The following CUX1 variants were observed in gnomAD, a reference collection of about 807,000 sequenced individuals.
The protein encoded by CUX1 is cut like homeobox 1, also known as protein CASP.
In CUX1, 31 loss-of-function variants were observed where a neutral mutation model predicts 158.8. The ratio of observed to expected loss-of-function variants is 0.20; its 90% CI spans 0.15 to 0.26. The LOEUF (loss-of-function observed/expected upper bound fraction) is 0.26. Among genes scored for constraint, CUX1 ranks in the 10% least tolerant of loss-of-function variants. The pLI, the probability that CUX1 is intolerant of heterozygous loss-of-function variation, is 1.00. For synonymous variants in CUX1, 879 were observed against 862.1 expected (o/e 1.02, Z -0.34); for missense variants, 1,589 against 2,014.6 (o/e 0.79, Z 4.04).
intron 2 of CUX1, among the ~76,000 whole-genome samples, chr7:101,965,196 G>A (rs1253090795): frequency 1.3e-5 from 2 of 152,124 alleles, no homozygotes; most frequent in East Asian, 1.9e-4. Context: ...CCCTAACACC[G>A]CTTTGCAGTT....
intron 17 of CUX1, among the ~76,000 whole-genome samples, chr7:102,276,052 A>ATTAAATATAATATATGCACAATAATG (rs1791585405): frequency 6.6e-6 from 1 of 151,564 alleles, no homozygotes; most frequent in Non-Finnish European, 1.5e-5. Context: ...GCTGTATAAT[A>ATTAAATATAATATATGCACAATAATG]TTTTATTGTG....
chr7:101,922,837 C>T (rs1161749821), intron 2 of CUX1, among the ~76,000 whole-genome samples: 1 of 152,208 alleles, frequency 6.6e-6, no homozygotes, highest in East Asian at 1.9e-4. Context: ...GCAGCAGGGG[C>T]AGCACCTCTG....
chr7:102,232,301 C>A (rs782179298), intron 21 of CUX1, among the ~76,000 whole-genome samples: 1 of 152,022 alleles, frequency 6.6e-6, no homozygotes, highest in African/African-American at 2.4e-5. Flanking sequence ...GGCAATATAG[C>A]GAGACCCTGT....
chr7:102,022,252 A>T (rs1466951460), intron 2 of CUX1, among the ~76,000 whole-genome samples: 3 of 152,184 alleles, frequency 2.0e-5, no homozygotes, highest in African/African-American at 7.2e-5. Flanking sequence ...TTACCTAGAA[A>T]ATTCCTTAAT....
chr7:102,071,170 G>A (rs1826089449), intron 4 of CUX1, among the ~76,000 whole-genome samples: 1 of 151,822 alleles, frequency 6.6e-6, no homozygotes, highest in East Asian at 1.9e-4. Flanking sequence ...TATTGCCCAG[G>A]CTGGTCTCGA....
At chr7:101,841,140 G>A (rs917558904) in intron 1 of CUX1, among the ~76,000 whole-genome samples, 8 of 152,244 alleles carry the variant, frequency 5.3e-5, no homozygotes, top group African/African-American at 7.2e-5. Context: ...TGATCCGCCC[G>A]CCTCGGCCTC....
At chr7:102,216,953 G>A (rs1797290438) in intron 20 of CUX1, among the ~76,000 whole-genome samples, 1 of 152,038 alleles carries the variant, frequency 6.6e-6, no homozygotes, top group Admixed American at 6.5e-5. Flanking sequence ...TTTAACTAGA[G>A]GCTTTGTTTT....
At position 101,865,945 on chromosome 7, in the gene CUX1, G is replaced by A. The variant is rs543379671; in HGVS notation, c.30+48276G>A. 1.6e-3 allele frequency among the ~76,000 whole-genome samples: 242 copies of A among 152,278 alleles called. 3 individuals are homozygous for A. Among genetic ancestry groups the A allele is most frequent in the African/African-American group, 5.6e-3 (234 of 41,562 alleles). The stretch of plus-strand genomic sequence containing the variant: ...CGTCGACCAAAAGAAGAGAGATTTG[G>A]AATGCTTGTTTTACAGCCTCCGGTC... On this transcript the variant is annotated intron_variant, in intron 1 of 23. Coordinates refer to ENST00000292535, the MANE Select transcript of CUX1 (RefSeq NM_181552.4).
At chr7:102,034,751 C>CAAAAAAAAAAAAAAAAAAAA (rs33994794) in intron 3 of CUX1, among the ~76,000 whole-genome samples, 1 of 117,952 alleles carries the variant, frequency 8.5e-6, no homozygotes, top group African/African-American at 3.4e-5. Context: ...GACTCCGTCT[C>CAAAAAAAAAAAAAAAAAAAA]AAAAAAAAAA....
intron 3 of CUX1, among the ~76,000 whole-genome samples, chr7:102,034,462 A>T (rs1216010801): frequency 6.6e-6 from 1 of 152,120 alleles, no homozygotes; most frequent in African/African-American, 2.4e-5. Flanking sequence ...TCTACTAAAA[A>T]TACAAAAACA....
At position 102,170,498 on chromosome 7, in the gene CUX1, C is replaced by A; in HGVS notation, c.776C>A (p.Ser259Ter). 6.3e-7 allele frequency: 1 copy of A among 1,593,344 alleles called. No homozygotes were observed. The highest frequency in any genetic ancestry group is 8.6e-7 in the Non-Finnish European group (1 of 1,169,572). Residue 259 changes from serine to a stop codon, truncating the protein, a stop_gained, in exon 10 of 24, where the codon TCG (serine) becomes TAG (stop). Transcript: ENST00000292535. LOFTEE classifies it high-confidence loss of function. ...EAETLREQLS[S>*]ANHSLQLASQ... ...GAGACCTTAAGGGAACAGCTCTCAT[C>A]GGCCAATCACTCCCTCCAGCTGGCC...
At chr7:101,988,412 G>A (rs1347960290) in intron 2 of CUX1, among the ~76,000 whole-genome samples, 1 of 152,108 alleles carries the variant, frequency 6.6e-6, no homozygotes, top group Non-Finnish European at 1.5e-5. Flanking sequence ...TAACTCTCCT[G>A]AAAACACTTC....
intron 1 of CUX1, among the ~76,000 whole-genome samples, chr7:101,833,713 C>T (rs1044673402): frequency 4.6e-5 from 7 of 151,954 alleles, no homozygotes; most frequent in African/African-American, 1.7e-4. Context: ...AGGCCAAGTC[C>T]AGGGCTCTGG....
intron 1 of CUX1, among the ~76,000 whole-genome samples, chr7:101,833,203 C>A (rs1378087970): frequency 6.6e-6 from 1 of 150,378 alleles, no homozygotes; most frequent in Admixed American, 6.6e-5. Flanking sequence ...GAGTTCAAGA[C>A]CAGCCTGGGC....
intron 12 of CUX1, among the ~76,000 whole-genome samples, chr7:102,191,792 GCTC>G (rs1215963832): frequency 9.7e-5 from 14 of 144,766 alleles, no homozygotes; most frequent in Non-Finnish European, 1.4e-4. Flanking sequence ...TCTTCCTCTT[GCTC>G]CTCCTCCTCC....
intron 1 of CUX1, among the ~76,000 whole-genome samples, chr7:101,906,937 C>T (rs1802825018): frequency 6.6e-6 from 1 of 152,114 alleles, no homozygotes; most frequent in Admixed American, 6.6e-5. Context: ...GTCAGTCTCA[C>T]TCTGTGGAAA....
intron 3 of CUX1, among the ~76,000 whole-genome samples, chr7:102,029,656 A>C (rs1820475662): frequency 6.6e-6 from 1 of 152,204 alleles, no homozygotes; most frequent in African/African-American, 2.4e-5. Context: ...AGGGCAGAAC[A>C]GTACCCCTCT....
intron 8 of CUX1, among the ~76,000 whole-genome samples, chr7:102,135,766 C>T (rs1833838990): frequency 6.6e-6 from 1 of 151,956 alleles, no homozygotes; most frequent in African/African-American, 2.4e-5. Flanking sequence ...CTTGAGGTCA[C>T]GAGTTCAAGA....
chr7:101,965,383 C>T lies in CUX1; in HGVS notation c.141+49158C>T, dbSNP rs1421481939. On this transcript the variant is annotated intron_variant, in intron 2 of 23. Transcript: ENST00000292535. ...TCCCAGGTCGAGCTGGCCTTTGTGC[C>T]CATGACGTCTCCCTCCCAGACCTGT... 2.6e-5 allele frequency among the ~76,000 whole-genome samples: 4 copies of T among 152,052 alleles called. 1 individual carries two copies. Among genetic ancestry groups the T allele is most frequent in the African/African-American group, 9.7e-5 (4 of 41,402 alleles).
Sources: gnomAD v4.1 joint callset for allele counts (sites outside exome capture counted in the v4.1 genomes callset) on GRCh38, gnomAD v4.1.1 for gene constraint, MANE v1.5 for transcripts, NCBI Gene and HGNC (gene_info 2026-07-23, HGNC 2026-07-21) for gene names.